The following ADAM22 variants were observed in gnomAD, a reference collection of about 807,000 sequenced individuals.
ADAM22 encodes disintegrin and metalloproteinase domain-containing protein 22.
A neutral mutation model predicts 144.6 loss-of-function variants in ADAM22; 65 were observed. That is an observed-to-expected ratio of 0.45 (90% CI 0.37 to 0.55). The LOEUF (loss-of-function observed/expected upper bound fraction) is 0.55, where lower values mean the gene tolerates loss of function less well. Among genes scored for constraint, ADAM22 ranks in the 20% least tolerant of loss-of-function variants. ADAM22 has a pLI of 0.00. For missense variants in ADAM22, 974 were observed against 1,184.9 expected, an observed-to-expected ratio of 0.82 and a Z score of 2.61; for synonymous variants, 391 against 412.6, an observed-to-expected ratio of 0.95 and a Z score of 0.63.
At chr7:88,093,324 T>A (rs1820432959) in intron 4 of ADAM22, among the ~76,000 whole-genome samples, 1 of 152,006 alleles carries the variant, frequency 6.6e-6, no homozygotes, top group African/African-American at 2.4e-5. Context: ...GGTGTTGTCA[T>A]AAGCTACAAT....
intron 25 of ADAM22, among the ~76,000 whole-genome samples, chr7:88,170,690 A>G (rs545246489): frequency 8.5e-5 from 13 of 152,116 alleles, no homozygotes; most frequent in East Asian, 3.9e-4. Context: ...GATGTTACCA[A>G]TGAAATCCAT....
intron 3 of ADAM22, among the ~76,000 whole-genome samples, chr7:88,043,031 G>C (rs1803544867): frequency 6.6e-6 from 1 of 151,810 alleles, no homozygotes; most frequent in Non-Finnish European, 1.5e-5. Context: ...CTTTCAATTA[G>C]CTTACCTATT....
chr7:88,197,783 T>C lies in ADAM22; in HGVS notation c.*1292T>C, dbSNP rs1425022469. ...GACTCTGAAGCAAGATGACGGAAGA[T>C]TCTACTGTTTGAGTTGAGCAGCTTC... On this transcript the variant is annotated 3_prime_UTR_variant, in exon 32 of 32. Coordinates refer to ENST00000413139, the MANE Select transcript of ADAM22 (RefSeq NM_001324418.2). 3 of 152,198 alleles carry C rather than the reference T, an allele frequency of 2.0e-5. No homozygotes were observed. The highest frequency in any genetic ancestry group is 6.5e-5 in the Admixed American group (1 of 15,270). 9.4% of individuals were successfully genotyped at this position (152,198 alleles called of 1,614,324 possible).
chr7:87,955,422 A>G (rs1164964740), intron 2 of ADAM22, among the ~76,000 whole-genome samples: 1 of 152,186 alleles, frequency 6.6e-6, no homozygotes, highest in Admixed American at 6.5e-5. Context: ...TTGCCTGGAT[A>G]TCAGCAGCGG....
intron 3 of ADAM22, among the ~76,000 whole-genome samples, chr7:88,040,411 C>T (rs1001071761): frequency 7.2e-5 from 11 of 151,920 alleles, no homozygotes; most frequent in African/African-American, 1.7e-4. Context: ...GGATTACAGG[C>T]GTGAGCCACT....
At chr7:87,978,022 A>G (rs1054040129) in intron 2 of ADAM22, among the ~76,000 whole-genome samples, 4 of 152,170 alleles carry the variant, frequency 2.6e-5, no homozygotes, top group African/African-American at 9.6e-5. Context: ...CTTTATTTTA[A>G]AGGAGCTAGT....
At chr7:88,145,053 C>T (rs549765327) in intron 15 of ADAM22, 72 bp from the exon 16 acceptor site, 1 of 1,324,968 alleles carries the variant, frequency 7.5e-7, no homozygotes, top group African/African-American at 1.5e-5. Context: ...TTGGGTATGG[C>T]ACTTATGGTC....
intron 29 of ADAM22, among the ~76,000 whole-genome samples, chr7:88,183,812 A>C (rs1193599147): frequency 1.4e-5 from 2 of 145,726 alleles, no homozygotes; most frequent in South Asian, 4.3e-4. Flanking sequence ...CTGTCTCTCT[A>C]TATATACACA....
intron 5 of ADAM22, among the ~76,000 whole-genome samples, chr7:88,113,683 A>G (rs1826698064): frequency 9.0e-6 from 1 of 111,552 alleles, no homozygotes; most frequent in Non-Finnish European, 1.7e-5. Flanking sequence ...TATAATATAT[A>G]TATTATAAAT....
At chr7:88,033,668 G>A (rs1800821192) in intron 3 of ADAM22, among the ~76,000 whole-genome samples, 1 of 152,248 alleles carries the variant, frequency 6.6e-6, no homozygotes, top group Non-Finnish European at 1.5e-5. Flanking sequence ...GGTGGGTCCA[G>A]AGATACCATC....
intron 3 of ADAM22, among the ~76,000 whole-genome samples, chr7:87,982,697 AT>A (rs1408192200): frequency 0.041 from 3,202 of 78,786 alleles, 266 homozygotes; most frequent in African/African-American, 0.17. Context: ...ATATATATAT[AT>A]AATTTTTTTT....
In ADAM22 at chr7:88,181,916, A is replaced by G. The variant is rs191013281; in HGVS notation, c.2597-42A>G. 1,140 of 1,561,238 alleles carry G rather than the reference A, an allele frequency of 7.3e-4. 9 individuals carry two copies. The African/African-American group carries it at 0.014, about 19-fold the overall frequency. ...CCTCGTAATTAGACATAGGGCAATC[A>G]CTTATTTACATGGAAATCTAGCTCT... On this transcript the variant is annotated intron_variant, in intron 28 of 31. Coordinates refer to ENST00000413139, the MANE Select transcript of ADAM22 (RefSeq NM_001324418.2).
At chr7:87,937,543 C>T (rs1017616484) in intron 2 of ADAM22, among the ~76,000 whole-genome samples, 2 of 152,208 alleles carry the variant, frequency 1.3e-5, no homozygotes, top group Non-Finnish European at 2.9e-5. Flanking sequence ...TCTTTGGGTA[C>T]CTCTTGCCTT....
intron 14 of ADAM22, among the ~76,000 whole-genome samples, chr7:88,138,740 G>C (rs1833725928): frequency 1.3e-5 from 2 of 152,228 alleles, no homozygotes; most frequent in Non-Finnish European, 2.9e-5. Flanking sequence ...TCTGCCTTCA[G>C]ATAATTGAAG....
At chr7:87,944,550 G>A (rs1562810663) in intron 2 of ADAM22, among the ~76,000 whole-genome samples, 1 of 152,176 alleles carries the variant, frequency 6.6e-6, no homozygotes. Flanking sequence ...ATCTAAAGTA[G>A]GCTGGAGAGG....
intron 22 of ADAM22, among the ~76,000 whole-genome samples, chr7:88,160,346 T>C (rs1476124648): frequency 6.6e-6 from 1 of 152,170 alleles, no homozygotes; most frequent in Non-Finnish European, 1.5e-5. Context: ...ATTTACAGAT[T>C]AAATGCTATT....
chr7:87,980,985 C>T (rs1279523439), intron 3 of ADAM22, among the ~76,000 whole-genome samples: 1 of 152,108 alleles, frequency 6.6e-6, no homozygotes, highest in Admixed American at 6.5e-5. Context: ...AAACATTCTT[C>T]GGAAAGAAGA....
In ADAM22 at chr7:88,198,182, G is replaced by GTT. The variant is rs1850877747; in HGVS notation, c.*1691_*1692insTT. 1 of 152,076 alleles carries GTT rather than the reference G, an allele frequency of 6.6e-6. No individual in the cohort carries two copies. Among genetic ancestry groups the GTT allele is most frequent in the Non-Finnish European group, 1.5e-5 (1 of 68,010 alleles). The allele number at this position is 152,076 out of a possible 1,614,324, so 9.4% of individuals were successfully genotyped here. On this transcript the variant is annotated 3_prime_UTR_variant, in exon 32 of 32. Coordinates refer to ENST00000413139, the MANE Select transcript of ADAM22 (RefSeq NM_001324418.2). Reference sequence around the variant, plus strand: ...TTTGATCCTCTCCCATAGTATCCATGGACAAAATCCATATCATCTTCATAT... The same window carrying GTT: ...TTTGATCCTCTCCCATAGTATCCATGTTGACAAAATCCATATCATCTTCATAT...
intron 4 of ADAM22, among the ~76,000 whole-genome samples, chr7:88,080,025 T>C (rs945776010): frequency 6.6e-5 from 10 of 152,052 alleles, no homozygotes; most frequent in Admixed American, 6.6e-4. Context: ...ACTCTCCACC[T>C]CAAATCAACA....
Sources: allele counts gnomAD v4.1 joint callset (sites outside exome capture counted in the v4.1 genomes callset), GRCh38; gene constraint gnomAD v4.1.1; transcripts MANE v1.5; gene names NCBI Gene and HGNC (gene_info 2026-07-23, HGNC 2026-07-21).